Variants in MYO1D observed in about 807,000 individuals in gnomAD.
MYO1D encodes myosin ID.
A neutral mutation model predicts 122.0 loss-of-function variants in MYO1D; 83 were observed. That is an observed-to-expected ratio of 0.68 (90% CI 0.57 to 0.82). The LOEUF is 0.82. MYO1D is among the 40% of genes least tolerant of loss of function. The probability of loss-of-function intolerance (pLI) is 0.00; values close to 1 mark genes in which losing one functional copy is unlikely to be tolerated. For synonymous variants in MYO1D, 464 were observed against 446.9 expected (o/e 1.04, Z -0.48); for missense variants, 1,157 against 1,269.5 (o/e 0.91, Z 1.35).
chr17:32,817,107 T>C (rs2090619121), intron 1 of MYO1D, among the ~76,000 whole-genome samples: 1 of 152,196 alleles, frequency 6.6e-6, no homozygotes, highest in Non-Finnish European at 1.5e-5. Flanking sequence ...TTTAAATTTT[T>C]TTGTAGATAC....
intron 16 of MYO1D, among the ~76,000 whole-genome samples, chr17:32,697,732 T>C (rs1177838862): frequency 1.3e-5 from 2 of 152,212 alleles, no homozygotes; most frequent in African/African-American, 4.8e-5. Context: ...TTTTTTCCAA[T>C]TGTATTACTG....
At chr17:32,733,733 GT>G (rs1403539503) in intron 14 of MYO1D, among the ~76,000 whole-genome samples, 1 of 152,110 alleles carries the variant, frequency 6.6e-6, no homozygotes, top group African/African-American at 2.4e-5. Context: ...AGCTTTAGGG[GT>G]TTTTTCCTTC....
chr17:32,874,693 T>C (rs1163229384), intron 1 of MYO1D, among the ~76,000 whole-genome samples: 1 of 152,082 alleles, frequency 6.6e-6, no homozygotes, highest in African/African-American at 2.4e-5. Flanking sequence ...GAGGCCAAGA[T>C]GGGAGGATTG....
chr17:32,651,585 T>C (rs1465000341), intron 19 of MYO1D, among the ~76,000 whole-genome samples: 3 of 152,150 alleles, frequency 2.0e-5, no homozygotes, highest in African/African-American at 7.2e-5. Context: ...TCAGGGAACA[T>C]TGTCTTTCCT....
At position 32,874,012 on chromosome 17, in the gene MYO1D, C is replaced by A. The variant is rs144692461; in HGVS notation, c.95+2766G>T. 1.0e-3 allele frequency among the ~76,000 whole-genome samples: 152 copies of A among 152,296 alleles called. 2 individuals are homozygous for A. In the East Asian group the frequency reaches 0.024, roughly 24 times the overall value. Reference sequence around the variant, plus strand: ...TCACCCAGAGTCAGCTTTCATGCCGCCAACCCCTGCTCATGCTGCTTAATC... The same window carrying A: ...TCACCCAGAGTCAGCTTTCATGCCGACAACCCCTGCTCATGCTGCTTAATC... On this transcript the variant is annotated intron_variant, in intron 1 of 21. Transcript: ENST00000318217.
intron 20 of MYO1D, among the ~76,000 whole-genome samples, chr17:32,626,011 T>C (rs1316297648): frequency 6.6e-6 from 1 of 152,236 alleles, no homozygotes; most frequent in Non-Finnish European, 1.5e-5. Flanking sequence ...TTCACCTTTC[T>C]GAGCACCAGT....
At chr17:32,632,586 T>TATATATATATAC (rs1480751438) in intron 20 of MYO1D, 1 of 96,570 alleles carries the variant, frequency 1.0e-5, no homozygotes, top group South Asian at 3.0e-4. Context: ...TATATATATA[T>TATATATATATAC]ACACACACAC....
At chr17:32,622,177 T>A (rs2087862211) in intron 20 of MYO1D, among the ~76,000 whole-genome samples, 1 of 152,182 alleles carries the variant, frequency 6.6e-6, no homozygotes, top group Non-Finnish European at 1.5e-5. Flanking sequence ...ATTTCCCATC[T>A]TGGTGAGTCA....
chr17:32,849,246 A>T (rs1567671103), intron 1 of MYO1D, among the ~76,000 whole-genome samples: 1 of 150,260 alleles, frequency 6.7e-6, no homozygotes, highest in African/African-American at 2.5e-5. Flanking sequence ...CCATTATGGA[A>T]GTCAGTGTGG....
intron 21 of MYO1D, among the ~76,000 whole-genome samples, chr17:32,549,457 C>T (rs1284453760): frequency 6.6e-6 from 1 of 152,166 alleles, no homozygotes; most frequent in East Asian, 1.9e-4. Context: ...ATCCCTGGGC[C>T]ACCTTCTGAA....
chr17:32,550,772 G>A (rs1165359197), intron 21 of MYO1D, among the ~76,000 whole-genome samples: 3 of 152,172 alleles, frequency 2.0e-5, no homozygotes, highest in Non-Finnish European at 4.4e-5. Context: ...GAGGAGGGAG[G>A]ACAGCTTGAG....
At chr17:32,570,490 A>G (rs956008912) in intron 21 of MYO1D, among the ~76,000 whole-genome samples, 1 of 151,818 alleles carries the variant, frequency 6.6e-6, no homozygotes, top group Non-Finnish European at 1.5e-5. Flanking sequence ...TCAGCCTCCA[A>G]GTAGCTGGGA....
chr17:32,732,938 T>C (rs1172568044), intron 14 of MYO1D, among the ~76,000 whole-genome samples: 1 of 152,232 alleles, frequency 6.6e-6, no homozygotes, highest in Non-Finnish European at 1.5e-5. Flanking sequence ...CATTCCCCAG[T>C]GCCAGCCATG....
intron 1 of MYO1D, among the ~76,000 whole-genome samples, chr17:32,860,063 G>C (rs764412579): frequency 6.6e-6 from 1 of 152,130 alleles, no homozygotes; most frequent in Non-Finnish European, 1.5e-5. Flanking sequence ...GGCTTCCTAA[G>C]CAAGGAGCAC....
In MYO1D at chr17:32,598,832, G is replaced by A. The variant is rs116797096; in HGVS notation, c.2864+6255C>T. Among the ~76,000 whole-genome samples, 1,128 of 152,278 alleles carry A rather than the reference G, an allele frequency of 7.4e-3. 5 individuals carry two copies. The highest frequency in any genetic ancestry group is 0.018 in the African/African-American group (768 of 41,544). The stretch of plus-strand genomic sequence containing the variant: ...ATAAGCAAACTATAACAGAGAAGCC[G>A]GTTGAATGTTCAGTTAAATCCAATG... On this transcript the variant is annotated intron_variant, in intron 21 of 21. Transcript: ENST00000318217.
At chr17:32,573,516 G>C (rs958717383) in intron 21 of MYO1D, among the ~76,000 whole-genome samples, 1 of 150,580 alleles carries the variant, frequency 6.6e-6, no homozygotes, top group Non-Finnish European at 1.5e-5. Context: ...TGACTGTGCT[G>C]TTTTTCTTCT....
intron 21 of MYO1D, among the ~76,000 whole-genome samples, chr17:32,600,708 G>T (rs1325499454): frequency 6.6e-6 from 1 of 152,138 alleles, no homozygotes; most frequent in Non-Finnish European, 1.5e-5. Flanking sequence ...TTGGTTTAAG[G>T]GAATGTTGTG....
intron 20 of MYO1D, among the ~76,000 whole-genome samples, chr17:32,617,325 C>A (rs1485183139): frequency 6.6e-6 from 1 of 152,214 alleles, no homozygotes; most frequent in Non-Finnish European, 1.5e-5. Context: ...TCAGTCACCT[C>A]AGTGAACATG....
intron 1 of MYO1D, among the ~76,000 whole-genome samples, chr17:32,838,557 G>A (rs910388563): frequency 4.6e-5 from 7 of 152,052 alleles, no homozygotes; most frequent in African/African-American, 1.2e-4. Flanking sequence ...ACAGACAGAC[G>A]GGAAAAGTAC....
Sources: allele counts gnomAD v4.1 joint callset (sites outside exome capture counted in the v4.1 genomes callset), GRCh38; gene constraint gnomAD v4.1.1; transcripts MANE v1.5; gene names NCBI Gene and HGNC (gene_info 2026-07-23, HGNC 2026-07-21).